Variants in MAP2K5 observed in about 807,000 individuals in gnomAD.
The protein encoded by MAP2K5 is dual specificity mitogen-activated protein kinase kinase 5.
A neutral mutation model predicts 83.1 loss-of-function variants in MAP2K5; 49 were observed. The ratio of observed to expected loss-of-function variants is 0.59; its 90% confidence interval spans 0.47 to 0.75. The LOEUF (loss-of-function observed/expected upper bound fraction) is 0.75, where lower values mean the gene tolerates loss of function less well. Among genes scored for constraint, MAP2K5 ranks in the 30% least tolerant of loss-of-function variants. The probability of loss-of-function intolerance (pLI) is 0.00; values close to 1 mark genes in which losing one functional copy is unlikely to be tolerated. For synonymous variants in MAP2K5, 202 were observed against 191.8 expected (o/e 1.05, Z -0.44); for missense variants, 457 against 557.5 (o/e 0.82, Z 1.82).
chr15:67,714,441 A>C (rs2088781462), intron 16 of MAP2K5, among the ~76,000 whole-genome samples: 1 of 140,326 alleles, frequency 7.1e-6, no homozygotes, highest in Non-Finnish European at 1.5e-5. Flanking sequence ...AAAAAAAAAA[A>C]AAAAAAAAAA....
At chr15:67,686,477 G>A (rs1001917822) in intron 13 of MAP2K5, among the ~76,000 whole-genome samples, 1 of 151,938 alleles carries the variant, frequency 6.6e-6, no homozygotes, top group East Asian at 1.9e-4. Context: ...GGTGGTGGCA[G>A]GCGCCTGTAA....
In MAP2K5 at chr15:67,580,828, T is replaced by C. The variant is rs777247345; in HGVS notation, c.322+5T>C. 2 of 1,586,718 alleles carry C rather than the reference T, an allele frequency of 1.3e-6. No individual in the cohort carries two copies. The highest frequency in any genetic ancestry group is 2.2e-5 in the South Asian group (2 of 90,468). ...CTCTGCAGATATTTCCAAGAGGTAA[T>C]GTTGAGCAAATTCTAATCAACAATG... On this transcript the variant is annotated splice_donor_5th_base_variant and intron_variant, in intron 4 of 21. Coordinates refer to ENST00000178640, the MANE Select transcript of MAP2K5 (RefSeq NM_145160.3).
At chr15:67,660,927 G>C (rs751012578) in intron 12 of MAP2K5, among the ~76,000 whole-genome samples, 1 of 151,080 alleles carries the variant, frequency 6.6e-6, no homozygotes, top group Non-Finnish European at 1.5e-5. Flanking sequence ...AAAATAAAAA[G>C]AGAGACTTAT....
chr15:67,771,151 ACATGGTAATGTGTACCATGTG>A (rs1271530642), intron 20 of MAP2K5, among the ~76,000 whole-genome samples: 4 of 18,246 alleles, frequency 2.2e-4, no homozygotes, highest in Non-Finnish European at 4.3e-4. Context: ...TGTGTTTTAC[ACATGGTAATGTGTACCATGTG>A]TTTTACACAT....
chr15:67,576,979 A>G (rs2140987929), intron 3 of MAP2K5, among the ~76,000 whole-genome samples: 1 of 139,078 alleles, frequency 7.2e-6, no homozygotes, highest in Admixed American at 7.2e-5. Flanking sequence ...CCCAGGCCGG[A>G]CTGCGGACTG....
At position 67,702,729 on chromosome 15, in the gene MAP2K5, T is replaced by A. The variant is rs1364545363; in HGVS notation, c.973-608T>A. Among the ~76,000 whole-genome samples, 1 of 152,234 alleles carries A rather than the reference T, an allele frequency of 6.6e-6. No individual in the cohort carries two copies. The highest frequency in any genetic ancestry group is 1.9e-4 in the East Asian group (1 of 5,202). ...AGAGTCCCAAATGGACCTTTCAGAC[T>A]GTTCCTTGGTTCATATACAAAGAAA... On this transcript the variant is annotated intron_variant, in intron 15 of 21. Coordinates refer to ENST00000178640, the MANE Select transcript of MAP2K5 (RefSeq NM_145160.3). The surrounding 1 kb of genome is among the most constrained non-coding windows in gnomAD (Gnocchi z 4.6).
rs1003703348 is a variant in MAP2K5 at position 67,774,849 on chromosome 15, G to A, written c.1242+2097G>A. ...GGTACCAGCATGGGCTGCATGGGCC[G>A]CTTCAAATGTGAGGCCTGCAGGATT... On this transcript the variant is annotated intron_variant, in intron 21 of 21. Coordinates refer to ENST00000178640, the MANE Select transcript of MAP2K5 (RefSeq NM_145160.3). This position sits in a 1 kb window ranked among gnomAD's most constrained non-coding sequence, Gnocchi z 4.9. 2.6e-5 allele frequency among the ~76,000 whole-genome samples: 4 copies of A among 152,222 alleles called. No homozygotes were observed. Among genetic ancestry groups the A allele is most frequent in the Non-Finnish European group, 4.4e-5 (3 of 68,032 alleles).
chr15:67,669,401 G>A (rs182885221), intron 13 of MAP2K5, among the ~76,000 whole-genome samples: 1 of 152,156 alleles, frequency 6.6e-6, no homozygotes, highest in East Asian at 1.9e-4. Flanking sequence ...GGGAAGATGA[G>A]TTTGGGAGGA....
At chr15:67,556,555 T>A (rs1402173502) in intron 2 of MAP2K5, among the ~76,000 whole-genome samples, 2 of 120 alleles carry the variant, frequency 0.017, no homozygotes. Context: ...CTTTTCTTTC[T>A]TTTTTTTTTT....
At chr15:67,598,216 A>C (rs1189911885) in intron 7 of MAP2K5, among the ~76,000 whole-genome samples, 3 of 152,116 alleles carry the variant, frequency 2.0e-5, no homozygotes, top group African/African-American at 7.2e-5. Flanking sequence ...AAAAAAAAAA[A>C]ACTAAAACTA....
Position 67,563,393 on chromosome 15 carries a change from G to T in MAP2K5, c.252+43G>T. 2 of 1,582,658 alleles carry T rather than the reference G, an allele frequency of 1.3e-6. No homozygotes were observed. The highest frequency in any genetic ancestry group is 8.6e-7 in the Non-Finnish European group (1 of 1,166,238). The stretch of plus-strand genomic sequence containing the variant: ...GAAGACTATTTTTTAAAATCTTAAC[G>T]TGATTGAGGATGCTGTTTCTTGGGC... On this transcript the variant is annotated intron_variant, in intron 3 of 21. Coordinates refer to ENST00000178640, the MANE Select transcript of MAP2K5 (RefSeq NM_145160.3). The surrounding 1 kb of genome is among the most constrained non-coding windows in gnomAD (Gnocchi z 4.5).
chr15:67,604,231 G>A (rs2085728549), intron 8 of MAP2K5, among the ~76,000 whole-genome samples: 2 of 152,212 alleles, frequency 1.3e-5, no homozygotes, highest in Admixed American at 1.3e-4. Context: ...TTTTAAGTTG[G>A]TATTTCTTGG....
intron 7 of MAP2K5, among the ~76,000 whole-genome samples, chr15:67,594,257 G>A (rs964759578): frequency 6.6e-6 from 1 of 152,074 alleles, no homozygotes; most frequent in African/African-American, 2.4e-5. Context: ...TTAGATTGAG[G>A]TCCACATCTG....
intron 11 of MAP2K5, among the ~76,000 whole-genome samples, chr15:67,654,951 G>C (rs185044023): frequency 4.6e-5 from 7 of 151,928 alleles, no homozygotes; most frequent in Non-Finnish European, 1.0e-4. Flanking sequence ...TGTAATCCCA[G>C]CTACTCGGGA....
At chr15:67,629,156 G>C in intron 8 of MAP2K5, 1 of 714,754 alleles carries the variant, frequency 1.4e-6, no homozygotes, top group Non-Finnish European at 2.6e-6. Context: ...GAAACAAAGC[G>C]TAGCAAAAGA....
In MAP2K5 at chr15:67,802,232, G is replaced by A. The variant is rs2090719451; in HGVS notation, c.1243-4414G>A. Among the ~76,000 whole-genome samples, 1 of 152,258 alleles carries A rather than the reference G, an allele frequency of 6.6e-6. No individual in the cohort carries two copies. The highest frequency in any genetic ancestry group is 2.4e-5 in the African/African-American group (1 of 41,472). On this transcript the variant is annotated intron_variant, in intron 21 of 21. Transcript: ENST00000178640. This position sits in a 1 kb window ranked among gnomAD's most constrained non-coding sequence, Gnocchi z 5.0. ...TCAAACTAGTGACACACTGACTAAAGCCCAGGTGGAGGAGGGAGCGGTGAG... is the reference window on the plus strand; with the variant it reads ...TCAAACTAGTGACACACTGACTAAAACCCAGGTGGAGGAGGGAGCGGTGAG...
At chr15:67,557,082 C>T (rs1398759590) in intron 2 of MAP2K5, among the ~76,000 whole-genome samples, 1 of 152,206 alleles carries the variant, frequency 6.6e-6, no homozygotes, top group African/African-American at 2.4e-5. Context: ...GCTTGACATT[C>T]ATATAGGCCC....
At chr15:67,624,359 AG>A (rs1221400324) in intron 8 of MAP2K5, among the ~76,000 whole-genome samples, 2 of 149,832 alleles carry the variant, frequency 1.3e-5, no homozygotes, top group African/African-American at 4.9e-5. Context: ...AAAAAAAAAA[AG>A]AAGTGGCACA....
chr15:67,633,282 T>C (rs62016181), intron 9 of MAP2K5, among the ~76,000 whole-genome samples: 3,383 of 152,324 alleles, frequency 0.022, 58 homozygotes, highest in African/African-American at 0.039. Flanking sequence ...GTTCCTTTTA[T>C]GTCAGAAGTC....
Sources: allele counts gnomAD v4.1 joint callset (sites outside exome capture counted in the v4.1 genomes callset), GRCh38; gene constraint gnomAD v4.1.1; non-coding constraint Gnocchi (gnomAD v3.1); transcripts MANE v1.5; gene names NCBI Gene and HGNC (gene_info 2026-07-23, HGNC 2026-07-21).